Variants in FBXL7 observed in about 807,000 individuals in gnomAD.
The protein encoded by FBXL7 is F-box and leucine rich repeat protein 7.
FBXL7 carries 12 observed loss-of-function variants against 38.3 expected under a neutral mutation model. That is an observed-to-expected ratio of 0.31 (90% CI 0.20 to 0.51). FBXL7 has a LOEUF of 0.51. Among genes scored for constraint, FBXL7 ranks in the 20% least tolerant of loss-of-function variants. The pLI, the probability that FBXL7 is intolerant of heterozygous loss-of-function variation, is 0.98. For synonymous variants in FBXL7, 297 were observed against 300.9 expected (o/e 0.99, Z 0.13); for missense variants, 567 against 676.4 (o/e 0.84, Z 1.79).
At chr5:15,748,228 CAACA>C (rs1736064471) in intron 2 of FBXL7, among the ~76,000 whole-genome samples, 1 of 152,188 alleles carries the variant, frequency 6.6e-6, no homozygotes, top group Admixed American at 6.5e-5. Context: ...CAGGCCCTGA[CAACA>C]AACAGTTATC....
intron 2 of FBXL7, among the ~76,000 whole-genome samples, chr5:15,713,681 T>C (rs541256277): frequency 1.3e-5 from 2 of 152,324 alleles, no homozygotes; most frequent in South Asian, 4.1e-4. Context: ...TAAATCTTAA[T>C]AAAATCTTTG....
intron 2 of FBXL7, among the ~76,000 whole-genome samples, chr5:15,799,678 A>C (rs1034006719): frequency 6.6e-6 from 1 of 152,154 alleles, no homozygotes; most frequent in Non-Finnish European, 1.5e-5. Context: ...CTTTCTAAAA[A>C]GGAAAAAAGG....
At position 15,802,056 on chromosome 5, in the gene FBXL7, C is replaced by T. The variant is rs564157250; in HGVS notation, c.128-125834C>T. On this transcript the variant is annotated intron_variant, in intron 2 of 3. Coordinates refer to ENST00000504595, the MANE Select transcript of FBXL7 (RefSeq NM_012304.5). ...AGGCCCTACACTTCTGGTTAGGCAT[C>T]CCCAATTCTCACCTTTTCCTCACAC... Among the ~76,000 whole-genome samples the T allele has an allele frequency of 1.3e-3, 196 of 152,218 alleles. 2 individuals carry two copies. Among genetic ancestry groups the T allele is most frequent in the Non-Finnish European group, 2.1e-3 (144 of 68,012 alleles).
intron 2 of FBXL7, among the ~76,000 whole-genome samples, chr5:15,709,414 A>G (rs563889710): frequency 1.6e-4 from 24 of 151,968 alleles, no homozygotes; most frequent in African/African-American, 5.8e-4. Context: ...CACACCTGTA[A>G]TCCCAGCTAC....
chr5:15,722,854 C>T (rs1361150915), intron 2 of FBXL7, among the ~76,000 whole-genome samples: 3 of 150,232 alleles, frequency 2.0e-5, no homozygotes, highest in African/African-American at 2.4e-5. Context: ...ACCCGGGAAG[C>T]GAAGGTTGCA....
chr5:15,802,091 C>T (rs1037526016), intron 2 of FBXL7, among the ~76,000 whole-genome samples: 59 of 152,102 alleles, frequency 3.9e-4, no homozygotes, highest in African/African-American at 1.3e-3. Context: ...CCTCCCATCC[C>T]GTTCATCAAC....
At chr5:15,791,077 G>A (rs989790452) in intron 2 of FBXL7, among the ~76,000 whole-genome samples, 1 of 148,674 alleles carries the variant, frequency 6.7e-6, no homozygotes, top group African/African-American at 2.5e-5. Flanking sequence ...TAAAAGGGGG[G>A]GGGGGGTTAT....
At chr5:15,604,210 C>T (rs1349660663) in intron 1 of FBXL7, among the ~76,000 whole-genome samples, 1 of 152,098 alleles carries the variant, frequency 6.6e-6, no homozygotes, top group Admixed American at 6.5e-5. Flanking sequence ...ATGTTCTTTT[C>T]CTCTTTTCAT....
At chr5:15,914,762 G>T (rs1324207785) in intron 2 of FBXL7, among the ~76,000 whole-genome samples, 1 of 152,160 alleles carries the variant, frequency 6.6e-6, no homozygotes, top group Non-Finnish European at 1.5e-5. Flanking sequence ...GTAGGACCGA[G>T]CGAGCACATT....
chr5:15,621,879 G>C (rs1269631103), intron 2 of FBXL7, among the ~76,000 whole-genome samples: 5 of 152,148 alleles, frequency 3.3e-5, no homozygotes, highest in African/African-American at 1.2e-4. Flanking sequence ...AAAGGGTCTT[G>C]TCAATTTTTG....
chr5:15,565,428 A>C (rs1738539076), intron 1 of FBXL7, among the ~76,000 whole-genome samples: 1 of 152,022 alleles, frequency 6.6e-6, no homozygotes, highest in African/African-American at 2.4e-5. Flanking sequence ...ATGTTGTATT[A>C]GTCAGGTTCT....
At chr5:15,508,664 T>G (rs963307226) in intron 1 of FBXL7, among the ~76,000 whole-genome samples, 3 of 152,186 alleles carry the variant, frequency 2.0e-5, no homozygotes, top group African/African-American at 4.8e-5. Context: ...TTATGTTTGA[T>G]GAAGGGTTAT....
intron 2 of FBXL7, among the ~76,000 whole-genome samples, chr5:15,851,792 A>G (rs1002191156): frequency 6.7e-6 from 1 of 149,192 alleles, no homozygotes; most frequent in African/African-American, 2.5e-5. Context: ...AACAAATGGA[A>G]AAAAAGATTC....
intron 2 of FBXL7, among the ~76,000 whole-genome samples, chr5:15,762,385 G>T (rs570541693): frequency 8.1e-6 from 1 of 122,912 alleles, no homozygotes; most frequent in African/African-American, 2.8e-5. Context: ...CTTGTAGGGT[G>T]GGGGAATGCC....
At chr5:15,713,825 G>T (rs1294985046) in intron 2 of FBXL7, among the ~76,000 whole-genome samples, 1 of 152,184 alleles carries the variant, frequency 6.6e-6, no homozygotes, top group African/African-American at 2.4e-5. Flanking sequence ...GAAGAATTAG[G>T]AAATGTGGAG....
At chr5:15,803,377 T>G (rs1737621963) in intron 2 of FBXL7, among the ~76,000 whole-genome samples, 1 of 152,156 alleles carries the variant, frequency 6.6e-6, no homozygotes. Context: ...AAGAAAAGTT[T>G]TAGGAAATGA....
chr5:15,520,582 G>T (rs1737070075), intron 1 of FBXL7, among the ~76,000 whole-genome samples: 1 of 152,106 alleles, frequency 6.6e-6, no homozygotes, highest in South Asian at 2.1e-4. Flanking sequence ...TGTAGTTTTA[G>T]TTAGTTCACT....
intron 2 of FBXL7, among the ~76,000 whole-genome samples, chr5:15,887,076 G>A (rs1740707048): frequency 6.6e-6 from 1 of 152,130 alleles, no homozygotes; most frequent in African/African-American, 2.4e-5. Context: ...ACTTATAAAT[G>A]TGTATCTCCC....
intron 2 of FBXL7, among the ~76,000 whole-genome samples, chr5:15,668,097 T>C (rs1742344168): frequency 6.6e-6 from 1 of 152,154 alleles, no homozygotes; most frequent in African/African-American, 2.4e-5. Flanking sequence ...ATACTGCAGA[T>C]CCAACCTGAT....
Sources: gnomAD v4.1 joint callset for allele counts (sites outside exome capture counted in the v4.1 genomes callset) on GRCh38, gnomAD v4.1.1 for gene constraint, MANE v1.5 for transcripts, NCBI Gene and HGNC (gene_info 2026-07-23, HGNC 2026-07-21) for gene names.